WWC1: variants seen among roughly 807,000 people sequenced by gnomAD.
WWC1 encodes the protein WW and C2 domain containing 1.
In WWC1, 55 loss-of-function variants were observed where a neutral mutation model predicts 138.4. That is an observed-to-expected ratio of 0.40 (90% CI 0.32 to 0.50). WWC1 has a LOEUF of 0.50. Among genes scored for constraint, WWC1 ranks in the 20% least tolerant of loss-of-function variants. The probability of loss-of-function intolerance (pLI) is 0.72; values close to 1 mark genes in which losing one functional copy is unlikely to be tolerated. For missense variants in WWC1, 1,226 were observed against 1,420.4 expected (o/e 0.86, Z 2.20); for synonymous variants, 524 against 564.9 (o/e 0.93, Z 1.03).
intron 1 of WWC1, among the ~76,000 whole-genome samples, chr5:168,364,314 C>G (rs1776116928): frequency 6.6e-6 from 1 of 152,176 alleles, no homozygotes; most frequent in African/African-American, 2.4e-5. Flanking sequence ...CTCCTCCCCT[C>G]CCCAGCCCTC....
intron 3 of WWC1, among the ~76,000 whole-genome samples, chr5:168,386,453 C>T (rs1355113332): frequency 6.6e-6 from 1 of 150,924 alleles, no homozygotes; most frequent in African/African-American, 2.4e-5. Flanking sequence ...AGTGCAGTGG[C>T]GCGATCTCTG....
At chr5:168,364,358 GC>G (rs1776120167) in intron 1 of WWC1, among the ~76,000 whole-genome samples, 1 of 151,966 alleles carries the variant, frequency 6.6e-6, no homozygotes, top group Admixed American at 6.6e-5. Context: ...TTCTCTCCCT[GC>G]CCATGGCCCG....
At chr5:168,340,303 T>TG (rs1447559117) in intron 1 of WWC1, among the ~76,000 whole-genome samples, 1 of 152,202 alleles carries the variant, frequency 6.6e-6, no homozygotes, top group Non-Finnish European at 1.5e-5. Context: ...CTTGAACTCC[T>TG]GACCTCAGGT....
At chr5:168,444,609 C>T (rs1415893612) in intron 17 of WWC1, 24 bp downstream of exon 17, 3 of 1,611,882 alleles carry the variant, frequency 1.9e-6, no homozygotes, top group South Asian at 1.1e-5. Flanking sequence ...CCCTTGGGCC[C>T]CAGGAGCTGC....
chr5:168,394,241 G>T lies in WWC1; in HGVS notation c.434-3483G>T, dbSNP rs369703239. Among the ~76,000 whole-genome samples, 22 of 152,328 alleles carry T rather than the reference G, an allele frequency of 1.4e-4. No individual in the cohort carries two copies. The South Asian group carries it at 4.4e-3, about 30-fold the overall frequency. ...TAGACACATAGAGGTAGCCACCCAA[G>T]AAATTGAAAATGATTTTCTTTTAGG... On this transcript the variant is annotated intron_variant, in intron 3 of 22. Coordinates refer to ENST00000265293, the MANE Select transcript of WWC1 (RefSeq NM_015238.3).
intron 1 of WWC1, among the ~76,000 whole-genome samples, chr5:168,302,535 C>T (rs1770185935): frequency 6.6e-6 from 1 of 152,196 alleles, no homozygotes; most frequent in East Asian, 1.9e-4. Flanking sequence ...AGATTTGAAG[C>T]CGGGAGACCT....
Position 168,406,280 on chromosome 5 carries a change from A to G in WWC1, c.673A>G (p.Lys225Glu), listed in dbSNP as rs770137913. The change falls in exon 6 of 23, where the codon AAA becomes GAA. Residue 225 changes from lysine (K) to glutamate (E), a missense_variant. Around this residue, in one of 3 missense-constraint regions of WWC1, gnomAD observed 1,016 missense variants for 1,153.9 expected, o/e 0.88. Transcript: ENST00000265293. ...QAVLRETKAI[K>E]KAITCGEKEK... ...TGTCTTGAGAGAAACAAAAGCCATC[A>G]AAAAGGCTATTACCTGTGGGGAAAA... 5 of 1,613,988 alleles carry G rather than the reference A, an allele frequency of 3.1e-6. No individual in the cohort carries two copies. Among genetic ancestry groups the G allele is most frequent in the African/African-American group, 2.7e-5 (2 of 74,940 alleles).
At chr5:168,311,074 A>G (rs143466607) in intron 1 of WWC1, among the ~76,000 whole-genome samples, 2 of 152,098 alleles carry the variant, frequency 1.3e-5, no homozygotes, top group African/African-American at 4.8e-5. Flanking sequence ...CTTCTAGCCT[A>G]CCTGGGTTGG....
chr5:168,377,351 A>G (rs995634119), intron 2 of WWC1, among the ~76,000 whole-genome samples: 4 of 152,218 alleles, frequency 2.6e-5, no homozygotes, highest in Non-Finnish European at 4.4e-5. Context: ...AGAAAACACC[A>G]TTCTGTACAT....
intron 1 of WWC1, among the ~76,000 whole-genome samples, chr5:168,361,006 A>G (rs556936063): frequency 6.6e-6 from 1 of 152,210 alleles, no homozygotes; most frequent in Non-Finnish European, 1.5e-5. Flanking sequence ...GAGTGTCCCC[A>G]GAGTCCTAAA....
At chr5:168,444,439 A>G in intron 16 of WWC1, 55 bp from the exon 17 acceptor site, 2 of 1,504,214 alleles carry the variant, frequency 1.3e-6, no homozygotes, top group Non-Finnish European at 1.8e-6. Context: ...GATTCCTGGC[A>G]GGTAGGGTGG....
rs141559377 is a variant in WWC1, at chr5:168,444,457, A to C, written c.2434-37A>C. 4,068 of 1,546,860 alleles carry C rather than the reference A, an allele frequency of 2.6e-3. 8 individuals carry two copies. The highest frequency in any genetic ancestry group is 3.3e-3 in the Non-Finnish European group (3,783 of 1,142,896). ...TCCTGGCAGGTAGGGTGGCACCTAC[A>C]TTGTACCCAATGACCCAGCAACCTT... is the stretch of plus-strand genomic sequence containing the variant. On this transcript the variant is annotated intron_variant, in intron 16 of 22. Coordinates refer to ENST00000265293, the MANE Select transcript of WWC1 (RefSeq NM_015238.3).
At chr5:168,336,405 T>C (rs774495209) in intron 1 of WWC1, among the ~76,000 whole-genome samples, 7 of 151,912 alleles carry the variant, frequency 4.6e-5, no homozygotes, top group Non-Finnish European at 7.4e-5. Flanking sequence ...ACCCCGTCTC[T>C]ACTAAAAATA....
At position 168,339,950 on chromosome 5, in the gene WWC1, C is replaced by A. The variant is rs538861647; in HGVS notation, c.120-31474C>A. Among the ~76,000 whole-genome samples the A allele has an allele frequency of 2.6e-3, 288 of 108,772 alleles. 1 individual carries two copies. Among genetic ancestry groups the A allele is most frequent in the Admixed American group, 4.4e-3 (42 of 9,518 alleles). 71.4% of individuals were successfully genotyped at this position (108,772 alleles called of 152,430 possible). The stretch of plus-strand genomic sequence containing the variant: ...TTCTCTCTTTCTCTCTCTCTCTCCC[C>A]CTCTCCCTCTCTCTCTCTGTCTCTC... On this transcript the variant is annotated intron_variant, in intron 1 of 22. Transcript: ENST00000265293.
intron 1 of WWC1, among the ~76,000 whole-genome samples, chr5:168,367,779 A>G (rs1416446721): frequency 6.6e-6 from 1 of 152,172 alleles, no homozygotes; most frequent in African/African-American, 2.4e-5. Context: ...AATGTCACAT[A>G]CACAGCTTGC....
At chr5:168,439,422 C>T (rs542471524) in intron 15 of WWC1, among the ~76,000 whole-genome samples, 17 of 149,840 alleles carry the variant, frequency 1.1e-4, no homozygotes, top group South Asian at 2.1e-4. Flanking sequence ...ATCGGGAGTT[C>T]GAGACCAGCC....
intron 20 of WWC1, 111 bp from the exon 21 acceptor site, chr5:168,464,618 C>G: frequency 6.8e-7 from 1 of 1,480,400 alleles, no homozygotes; most frequent in Non-Finnish European, 9.0e-7. Context: ...AAGCCCCATT[C>G]GGAAGGAGTG....
intron 16 of WWC1, 111 bp downstream of exon 16, chr5:168,441,945 G>C (rs3733979): frequency 0.18 from 254,857 of 1,424,906 alleles, 27,548 homozygotes; most frequent in African/African-American, 0.46. Context: ...GAGAACAATG[G>C]GGTGGAGGAA....
At chr5:168,401,030 G>A (rs2152832469) in intron 5 of WWC1, among the ~76,000 whole-genome samples, 1 of 151,684 alleles carries the variant, frequency 6.6e-6, no homozygotes, top group East Asian at 1.9e-4. Context: ...GAGGAAGAAA[G>A]AGAAGGAGAG....
Sources: gnomAD v4.1 joint callset for allele counts (sites outside exome capture counted in the v4.1 genomes callset) on GRCh38, gnomAD v4.1.1 for gene constraint, gnomAD v4.1.1 regional missense constraint, MANE v1.5 for transcripts, NCBI Gene and HGNC (gene_info 2026-07-23, HGNC 2026-07-21) for gene names.